CHD9: variants seen among roughly 807,000 people sequenced by gnomAD.
CHD9 encodes chromodomain helicase DNA binding protein 9.
Under a neutral mutation model 316.1 loss-of-function variants are expected in CHD9, and 77 were observed. That is an observed-to-expected ratio of 0.24 (90% CI 0.20 to 0.29). CHD9 has a LOEUF of 0.29. Among genes scored for constraint, CHD9 ranks in the 10% least tolerant of loss-of-function variants. The probability of loss-of-function intolerance (pLI) is 1.00; values close to 1 mark genes in which losing one functional copy is unlikely to be tolerated. For missense variants in CHD9, 2,763 were observed against 3,438.1 expected, an observed-to-expected ratio of 0.80 and a Z score of 4.91; for synonymous variants, 1,129 against 1,158.3, an observed-to-expected ratio of 0.97 and a Z score of 0.51.
chr16:53,143,391 T>C (rs2040294400), intron 1 of CHD9, among the ~76,000 whole-genome samples: 1 of 148,810 alleles, frequency 6.7e-6, no homozygotes, highest in Admixed American at 6.7e-5. Context: ...TATTTATTTA[T>C]TTATTTATTT....
intron 11 of CHD9, among the ~76,000 whole-genome samples, chr16:53,235,519 G>C (rs1251240359): frequency 6.6e-6 from 1 of 152,006 alleles, no homozygotes; most frequent in Non-Finnish European, 1.5e-5. Context: ...GAAGAAAGTT[G>C]GTATGTTGAT....
intron 2 of CHD9, among the ~76,000 whole-genome samples, chr16:53,199,906 G>T (rs2045291021): frequency 6.6e-6 from 1 of 152,214 alleles, no homozygotes; most frequent in Non-Finnish European, 1.5e-5. Context: ...TTTTGAACAA[G>T]TAAGTAATCA....
chr16:53,166,940 A>C (rs564410418), intron 2 of CHD9, among the ~76,000 whole-genome samples: 85 of 152,312 alleles, frequency 5.6e-4, no homozygotes, highest in African/African-American at 1.9e-3. Flanking sequence ...TGACCTGAAC[A>C]TGGTTTCACT....
chr16:53,188,926 C>T (rs1427732597), intron 2 of CHD9, among the ~76,000 whole-genome samples: 1 of 151,678 alleles, frequency 6.6e-6, no homozygotes, highest in Admixed American at 6.6e-5. Flanking sequence ...AGATCTTTTG[C>T]CCATATTTAA....
chr16:53,142,172 G>T (rs867944097), intron 1 of CHD9, among the ~76,000 whole-genome samples: 13 of 152,104 alleles, frequency 8.5e-5, no homozygotes, highest in African/African-American at 3.1e-4. Context: ...TTGGTAAGTC[G>T]ACAAGGAATC....
chr16:53,146,413 G>GCGTA (rs2040588354), intron 1 of CHD9, among the ~76,000 whole-genome samples: 1 of 24,480 alleles, frequency 4.1e-5, no homozygotes, highest in South Asian at 9.7e-4. Flanking sequence ...TTGTGTGTGT[G>GCGTA]TGTATGTATA....
chr16:53,184,715 C>T (rs1428298886), intron 2 of CHD9, among the ~76,000 whole-genome samples: 1 of 152,134 alleles, frequency 6.6e-6, no homozygotes, highest in Non-Finnish European at 1.5e-5. Context: ...TGTGTCCCCA[C>T]CCAAAATCTC....
intron 1 of CHD9, among the ~76,000 whole-genome samples, chr16:53,084,604 G>T (rs1363785052): frequency 2.6e-5 from 4 of 152,170 alleles, no homozygotes; most frequent in South Asian, 2.1e-4. Flanking sequence ...TTAGCCGGGC[G>T]TGGTGGTAGG....
In CHD9 at chr16:53,324,673, T is replaced by G. The variant is rs1192021336; in HGVS notation, c.8472T>G (p.Thr2824=). The change falls in exon 39 of 39, where the codon ACT becomes ACG. Residue 2824 remains threonine, a synonymous_variant. Coordinates refer to ENST00000447540, the MANE Select transcript of CHD9 (RefSeq NM_001308319.2). ...TTCCAACTTTGTCCCAGTCCAATAC[T>G]TTTGATGTACAAAACAAAAACAGTG... ...LHIPTLSQSN[T]FDVQNKNSDL... The G allele has an allele frequency of 6.2e-7, 1 of 1,613,502 alleles. No individual in the cohort carries two copies. Among genetic ancestry groups the G allele is most frequent in the African/African-American group, 1.3e-5 (1 of 74,928 alleles).
chr16:53,285,330 G>C (rs1236397479), intron 24 of CHD9, among the ~76,000 whole-genome samples: 4 of 152,178 alleles, frequency 2.6e-5, no homozygotes, highest in Non-Finnish European at 4.4e-5. Context: ...ATCAGTGAAA[G>C]AATATGATTC....
chr16:53,063,841 T>TG (rs973901669), intron 1 of CHD9, among the ~76,000 whole-genome samples: 4 of 151,308 alleles, frequency 2.6e-5, no homozygotes, highest in Admixed American at 6.6e-5. Flanking sequence ...TTTTTTTTTT[T>TG]TTTTTTTAAG....
At chr16:53,217,956 CTT>C (rs1007751418) in intron 3 of CHD9, among the ~76,000 whole-genome samples, 1 of 115,748 alleles carries the variant, frequency 8.6e-6, no homozygotes, top group Non-Finnish European at 1.8e-5. Context: ...TTCTTTCTTT[CTT>C]TTTTTTTTTA....
At chr16:53,181,167 C>T (rs145343541) in intron 2 of CHD9, among the ~76,000 whole-genome samples, 113 of 152,164 alleles carry the variant, frequency 7.4e-4, no homozygotes, top group African/African-American at 2.3e-3. Flanking sequence ...TGTGCCACCA[C>T]GCCTGGCTAA....
At chr16:53,218,599 A>C (rs2046968644) in intron 3 of CHD9, among the ~76,000 whole-genome samples, 1 of 152,190 alleles carries the variant, frequency 6.6e-6, no homozygotes, top group Non-Finnish European at 1.5e-5. Context: ...AGTCATTTGT[A>C]AATTTTAAAA....
chr16:53,123,406 T>G (rs2038833125), intron 1 of CHD9, among the ~76,000 whole-genome samples: 1 of 152,156 alleles, frequency 6.6e-6, no homozygotes, highest in African/African-American at 2.4e-5. Flanking sequence ...TTCTGTCTAC[T>G]TTCTTACTTT....
chr16:53,192,864 GTAT>G (rs1469874966), intron 2 of CHD9, among the ~76,000 whole-genome samples: 1 of 152,046 alleles, frequency 6.6e-6, no homozygotes, highest in Non-Finnish European at 1.5e-5. Flanking sequence ...AATTGTTTAT[GTAT>G]TCACAAGTTA....
chr16:53,079,807 C>G (rs905118493), intron 1 of CHD9, among the ~76,000 whole-genome samples: 2 of 152,224 alleles, frequency 1.3e-5, no homozygotes, highest in Admixed American at 1.3e-4. Flanking sequence ...GAAGGTGGTG[C>G]TCCCAGAGAG....
intron 2 of CHD9, among the ~76,000 whole-genome samples, chr16:53,193,931 A>T (rs1056680439): frequency 6.6e-6 from 1 of 152,222 alleles, no homozygotes; most frequent in Non-Finnish European, 1.5e-5. Flanking sequence ...TATTACTGTT[A>T]TAAAACAAAT....
rs183520353 is a variant in CHD9 at position 53,165,001 on chromosome 16, G to T, written c.1452+7460G>T. On this transcript the variant is annotated intron_variant, in intron 2 of 38. Coordinates refer to ENST00000447540, the MANE Select transcript of CHD9 (RefSeq NM_001308319.2). ...GATTATGTGTAAGATGATAGCAACA[G>T]ATGCCCTAAAGGTAAATCCAATAAT... Among the ~76,000 whole-genome samples, 20 of 152,250 alleles carry T rather than the reference G, an allele frequency of 1.3e-4. No homozygotes were observed. In the East Asian group the frequency reaches 3.5e-3, roughly 26 times the overall value.
Sources: allele counts gnomAD v4.1 joint callset (sites outside exome capture counted in the v4.1 genomes callset), GRCh38; gene constraint gnomAD v4.1.1; transcripts MANE v1.5; gene names NCBI Gene and HGNC (gene_info 2026-07-23, HGNC 2026-07-21).